Variants in MAP4K4 observed in about 807,000 individuals in gnomAD.
MAP4K4 encodes HPK/GCK-like kinase HGK.
MAP4K4 carries 38 observed loss-of-function variants against 189.6 expected under a neutral mutation model. That is an observed-to-expected ratio of 0.20 (90% CI 0.15 to 0.26). MAP4K4 has a LOEUF of 0.26. Among genes scored for constraint, MAP4K4 ranks in the 10% least tolerant of loss-of-function variants. The probability of loss-of-function intolerance (pLI) is 1.00; values close to 1 mark genes in which losing one functional copy is unlikely to be tolerated. For synonymous variants in MAP4K4, 610 were observed against 624.3 expected (o/e 0.98, Z 0.34); for missense variants, 1,054 against 1,726.9 (o/e 0.61, Z 6.91).
At chr2:101,768,378 A>G (rs963789873) in intron 2 of MAP4K4, among the ~76,000 whole-genome samples, 2 of 152,258 alleles carry the variant, frequency 1.3e-5, no homozygotes, top group Non-Finnish European at 2.9e-5. Flanking sequence ...TTGTTGGATT[A>G]GAGAAGACAA....
At chr2:101,866,540 G>A in exon 19 of MAP4K4, 1 of 1,613,626 alleles carries the variant, frequency 6.2e-7, no homozygotes, top group East Asian at 2.2e-5. Context: ...GTCTCACCCT[G>A]GGTCTCAGAG....
At chr2:101,704,876 C>T (rs920923649) in intron 2 of MAP4K4, among the ~76,000 whole-genome samples, 3 of 151,926 alleles carry the variant, frequency 2.0e-5, no homozygotes, top group Admixed American at 6.6e-5. Context: ...TTACCAGTGA[C>T]CATTGTGGCA....
chr2:101,749,775 A>G (rs2067676673), intron 2 of MAP4K4, among the ~76,000 whole-genome samples: 1 of 143,764 alleles, frequency 7.0e-6, no homozygotes, highest in Non-Finnish European at 1.5e-5. Flanking sequence ...ACAAAGGGCT[A>G]ATATCCAGAA....
intron 2 of MAP4K4, among the ~76,000 whole-genome samples, chr2:101,722,957 G>C (rs932056284): frequency 2.0e-5 from 3 of 152,204 alleles, no homozygotes; most frequent in Non-Finnish European, 2.9e-5. Flanking sequence ...AAGGAAAGAG[G>C]TTGAATTGAC....
rs554599806 is a variant in MAP4K4, at chr2:101,703,213, G to T, written c.123+4675G>T. The stretch of plus-strand genomic sequence containing the variant: ...AGGCCGAGGCGGGATAGTGGCAGTG[G>T]TGGTAGAGAGGAGGAGAGGTTGGGG... On this transcript the variant is annotated intron_variant, in intron 2 of 32. Coordinates refer to ENST00000324219, the Ensembl canonical transcript of MAP4K4. Among the ~76,000 whole-genome samples the T allele has an allele frequency of 1.3e-4, 20 of 151,930 alleles. No homozygotes were observed. The South Asian group carries it at 3.5e-3, about 27-fold the overall frequency.
At chr2:101,698,211 G>T (rs2035564706) in intron 1 of MAP4K4, 74 bp downstream of exon 1, 3 of 698,680 alleles carry the variant, frequency 4.3e-6, no homozygotes, top group Non-Finnish European at 5.3e-6. Flanking sequence ...GCCCAGGTCG[G>T]CCGGGCGCTC....
intron 24 of MAP4K4, 144 bp from the exon 25 acceptor site, chr2:101,873,503 G>T: frequency 1.8e-6 from 1 of 556,544 alleles, no homozygotes; most frequent in Non-Finnish European, 3.3e-6. Context: ...GCTCCCCGCA[G>T]AGCATTTTTT....
chr2:101,764,186 G>T lies in MAP4K4; in HGVS notation c.124-26534G>T, dbSNP rs146892509. 4.4e-3 allele frequency among the ~76,000 whole-genome samples: 664 copies of T among 152,170 alleles called. 6 individuals are homozygous for T. Among genetic ancestry groups the T allele is most frequent in the African/African-American group, 0.015 (638 of 41,518 alleles). The stretch of plus-strand genomic sequence containing the variant: ...TTGTGCATGTATGTATGTGATATGC[G>T]TAAGGGTCTAGCTTCCTTTTATAAA... On this transcript the variant is annotated intron_variant, in intron 2 of 32. Transcript: ENST00000324219.
Position 101,698,458 on chromosome 2 carries a change from C to G in MAP4K4, c.58-15C>G, listed in dbSNP as rs1292366421. On this transcript the variant is annotated splice_polypyrimidine_tract_variant and intron_variant, in intron 1 of 32. Transcript: ENST00000324219. ...CTTCTTTTAAATGATAACCCCTCCCCTCCTTCCTCTCCAGGATCCTGCTGG... is the reference window on the plus strand; with the variant it reads ...CTTCTTTTAAATGATAACCCCTCCCGTCCTTCCTCTCCAGGATCCTGCTGG... The G allele has an allele frequency of 6.2e-7, 1 of 1,610,950 alleles. No homozygotes were observed. The highest frequency in any genetic ancestry group is 1.7e-5 in the Admixed American group (1 of 60,010).
chr2:101,772,842 T>C (rs960446480), intron 2 of MAP4K4, among the ~76,000 whole-genome samples: 1 of 152,180 alleles, frequency 6.6e-6, no homozygotes, highest in East Asian at 1.9e-4. Context: ...CTCCTTGATA[T>C]GGGTACAGAT....
intron 2 of MAP4K4, among the ~76,000 whole-genome samples, chr2:101,740,215 G>A (rs1015594235): frequency 2.1e-5 from 2 of 97,320 alleles, no homozygotes; most frequent in Non-Finnish European, 1.7e-5. Context: ...GTGCAGTGGC[G>A]GGATCTCGGC....
At chr2:101,787,424 C>T (rs572250886) in intron 2 of MAP4K4, among the ~76,000 whole-genome samples, 4 of 152,286 alleles carry the variant, frequency 2.6e-5, no homozygotes, top group African/African-American at 9.6e-5. Context: ...TCTTTAAATA[C>T]CCTTCAGGTG....
exon 15 of MAP4K4, chr2:101,859,793 G>A (rs1204736633): frequency 1.9e-6 from 3 of 1,611,080 alleles, no homozygotes; most frequent in Non-Finnish European, 2.5e-6. Context: ...ACCGCAGCAG[G>A]AAAGGAGCAA....
chr2:101,767,616 A>G (rs4344951), intron 2 of MAP4K4, among the ~76,000 whole-genome samples: 37,345 of 152,038 alleles, frequency 0.25, 5,482 homozygotes, highest in Non-Finnish European at 0.31. Flanking sequence ...ATTTGGTGTG[A>G]ACCAATGTCT....
At chr2:101,881,401 G>C (rs1483761517) in intron 27 of MAP4K4, among the ~76,000 whole-genome samples, 1 of 152,088 alleles carries the variant, frequency 6.6e-6, no homozygotes, top group African/African-American at 2.4e-5. Context: ...TTGGTTGGTT[G>C]GTTGGTTTTG....
At chr2:101,803,279 G>A (rs59018302) in intron 3 of MAP4K4, among the ~76,000 whole-genome samples, 102 of 143,636 alleles carry the variant, frequency 7.1e-4, no homozygotes, top group African/African-American at 2.6e-3. Flanking sequence ...ATGTGTGTGT[G>A]TGTTTGTGTG....
At chr2:101,707,680 GTTTTT>G (rs1160858811) in intron 2 of MAP4K4, among the ~76,000 whole-genome samples, 2 of 141,218 alleles carry the variant, frequency 1.4e-5, no homozygotes, top group Non-Finnish European at 3.1e-5. Context: ...GTCCAGCTAA[GTTTTT>G]TTTTTTTGTT....
chr2:101,860,598 T>G (rs1405136178), intron 15 of MAP4K4: 5 of 459,466 alleles, frequency 1.1e-5, no homozygotes, highest in Non-Finnish European at 1.9e-5. Context: ...GGAGGAGAGC[T>G]TAGAGACTGC....
chr2:101,890,742 A>G (rs1204922352), intron 32 of MAP4K4, among the ~76,000 whole-genome samples: 1 of 151,930 alleles, frequency 6.6e-6, no homozygotes, highest in Non-Finnish European at 1.5e-5. Context: ...GGCATGAGCC[A>G]CCATGCCCAG....
Sources: allele counts gnomAD v4.1 joint callset (sites outside exome capture counted in the v4.1 genomes callset), GRCh38; gene constraint gnomAD v4.1.1; transcripts MANE v1.5; gene names NCBI Gene and HGNC (gene_info 2026-07-23, HGNC 2026-07-21).